The following ZNF286A variants were observed in gnomAD, a reference collection of about 807,000 sequenced individuals.
ZNF286A encodes the protein zinc finger protein ZNF286.
In ZNF286A, 34 loss-of-function variants were observed where a neutral mutation model predicts 49.3. The ratio of observed to expected loss-of-function variants is 0.69; its 90% CI spans 0.52 to 0.92. The LOEUF is 0.92. Among genes scored for constraint, ZNF286A ranks in the 40% least tolerant of loss-of-function variants. The probability of loss-of-function intolerance (pLI) is 0.00; values close to 1 mark genes in which losing one functional copy is unlikely to be tolerated. For synonymous variants in ZNF286A, 155 were observed against 200.4 expected (o/e 0.77, Z 1.91); for missense variants, 462 against 600.2 (o/e 0.77, Z 2.41).
At position 15,709,116 on chromosome 17, in the gene ZNF286A, T is replaced by C. The variant is rs557295992; in HGVS notation, c.334+869T>C. Reference sequence around the variant, plus strand: ...CTTGTCAACACTTAATATTGCTTGTTTTCATTTTAGCCATCCTTTTGAGGT... The same window carrying C: ...CTTGTCAACACTTAATATTGCTTGTCTTCATTTTAGCCATCCTTTTGAGGT... On this transcript the variant is annotated intron_variant, in intron 5 of 5. Coordinates refer to ENST00000583566, the MANE Select transcript of ZNF286A (RefSeq NM_001130842.2). 5.9e-5 allele frequency among the ~76,000 whole-genome samples: 9 copies of C among 152,118 alleles called. No homozygotes were observed. In the South Asian group the frequency reaches 1.9e-3, roughly 32 times the overall value.
intron 5 of ZNF286A, among the ~76,000 whole-genome samples, chr17:15,709,441 G>A (rs546707905): frequency 2.3e-4 from 35 of 151,994 alleles, no homozygotes; most frequent in African/African-American, 6.8e-4. Context: ...GCAGTGAGCC[G>A]AGATCATGCC....
At chr17:15,707,061 T>G (rs1378125535) in intron 4 of ZNF286A, among the ~76,000 whole-genome samples, 1 of 152,180 alleles carries the variant, frequency 6.6e-6, no homozygotes, top group Non-Finnish European at 1.5e-5. Context: ...CATGCACGCA[T>G]ACACACATGC....
chr17:15,704,461 C>T (rs1597709155), intron 3 of ZNF286A: 13 of 1,612,178 alleles, frequency 8.1e-6, no homozygotes, highest in African/African-American at 2.7e-5. Context: ...CAGACGGGCC[C>T]GAGCCGCATA....
At position 15,716,393 on chromosome 17, in the gene ZNF286A, C is replaced by G; in HGVS notation, c.669C>G (p.Ser223Arg). The G allele has an allele frequency of 6.2e-7, 1 of 1,613,412 alleles. No individual in the cohort carries two copies. Among genetic ancestry groups the G allele is most frequent in the South Asian group, 1.1e-5 (1 of 91,040 alleles). Residue 223 changes from serine to arginine, a missense_variant, in exon 6 of 6, where the codon AGC becomes AGG. Physicochemically the swap from Ser to Arg is moderately radical, Grantham distance 110. Around this residue, in one of 3 missense-constraint regions of ZNF286A, gnomAD observed 259 missense variants for 272.2 expected, o/e 0.95. Transcript: ENST00000583566. ...ATGCCTTCCATACACTTGAAAAAAG[C>G]TTGAAACAAAAATCAAACTTAATGA... ...GSYAFHTLEK[S>R]LKQKSNLMKK... is the part of the protein sequence containing the mutation.
At position 15,708,211 on chromosome 17, in the gene ZNF286A, A is replaced by C. The variant is rs531573081; in HGVS notation, c.298A>C (p.Lys100Gln). The C allele has an allele frequency of 2.5e-4, 391 of 1,594,384 alleles. 4 individuals carry two copies. In the South Asian group the frequency reaches 4.3e-3, roughly 17 times the overall value. ...YNLENGKEPL[K>Q]LERKAPKSSY... ...CTTGGAGAATGGAAAAGAACCATTG[A>C]AGCTTGAGAGAAAAGCCCCCAAAAG... Residue 100 changes from lysine (K) to glutamine (Q), a missense_variant, in exon 5 of 6, where the codon AAG (lysine) becomes CAG (glutamine). Coordinates refer to ENST00000583566, the MANE Select transcript of ZNF286A (RefSeq NM_001130842.2).
intron 5 of ZNF286A, among the ~76,000 whole-genome samples, chr17:15,708,938 A>G (rs1186534457): frequency 6.6e-6 from 1 of 152,178 alleles, no homozygotes; most frequent in Non-Finnish European, 1.5e-5. Context: ...AAATATATGC[A>G]TTTCTTCTGG....
rs201944001 is a variant in ZNF286A, at chr17:15,716,127, A to C, written c.403A>C (p.Lys135Gln). 1.9e-5 allele frequency: 31 copies of C among 1,613,782 alleles called. No individual in the cohort carries two copies. The highest frequency in any genetic ancestry group is 2.5e-5 in the Non-Finnish European group (30 of 1,179,834). ...AGATTTTTCCAAAGCAGAATCATGC[A>C]AAGTTGCAATAATAGACAGACTGAC... ...VQDFSKAESC[K>Q]VAIIDRLTRN... Residue 135 changes from lysine to glutamine, a missense_variant, in exon 6 of 6, where the codon AAA (lysine) becomes CAA (glutamine). By Grantham distance (53) the Lys-to-Gln change is moderately conservative. This residue lies in a region of ZNF286A where 259 missense variants were observed against 272.2 expected (regional missense o/e 0.95). Transcript: ENST00000583566.
rs371319093 is a variant in ZNF286A, at chr17:15,717,192, G to A, written c.1468G>A (p.Gly490Arg). The change falls in exon 6 of 6, where the codon GGA becomes AGA. Residue 490 changes from glycine (G) to arginine (R), a missense_variant. By Grantham distance (125) the Gly-to-Arg change is moderately radical. Transcript: ENST00000583566. Reference sequence around the variant, plus strand: ...CATTCAACATCAGAGAACTCATACCGGAGAGAAACCCTTTAGATGTAATGA... The same window carrying A: ...CATTCAACATCAGAGAACTCATACCAGAGAGAAACCCTTTAGATGTAATGA... ...ALIQHQRTHT[G>R]EKPFRCNECG... 31 of 1,607,196 alleles carry A rather than the reference G, an allele frequency of 1.9e-5. No individual in the cohort carries two copies. The highest frequency in any genetic ancestry group is 1.8e-4 in the East Asian group (8 of 44,640).
Position 15,711,860 on chromosome 17 carries a change from GC to G in ZNF286A, c.334+3623del, listed in dbSNP as rs1195215778. Among the ~76,000 whole-genome samples, 674 of 103,418 alleles carry G rather than the reference GC, an allele frequency of 6.5e-3. 14 individuals carry two copies. The highest frequency in any genetic ancestry group is 0.023 in the South Asian group (62 of 2,718). 67.8% of individuals were successfully genotyped at this position (103,418 alleles called of 152,430 possible). On this transcript the variant is annotated intron_variant, in intron 5 of 5. Transcript: ENST00000583566. ...CTAAATTTGCATTTATCTGTAATCT[GC>G]CCCCCCCCCGGCTTTTTTTTTTTTT...
chr17:15,709,329 C>A, intron 5 of ZNF286A, among the ~76,000 whole-genome samples: 1 of 147,294 alleles, frequency 6.8e-6, no homozygotes. Context: ...GTCTCTACTA[C>A]AAATACAAAA....
intron 5 of ZNF286A, among the ~76,000 whole-genome samples, chr17:15,714,134 A>G (rs1320254906): frequency 6.6e-6 from 1 of 151,992 alleles, no homozygotes; most frequent in Non-Finnish European, 1.5e-5. Context: ...TTAAAATTCA[A>G]TGAAATTAAT....
chr17:15,713,528 G>A (rs1341135967), intron 5 of ZNF286A, among the ~76,000 whole-genome samples: 1 of 151,976 alleles, frequency 6.6e-6, no homozygotes, highest in Non-Finnish European at 1.5e-5. Context: ...GGTAATTATG[G>A]CTATTCTTCT....
intron 3 of ZNF286A, among the ~76,000 whole-genome samples, chr17:15,705,207 C>T (rs759813451): frequency 1.1e-4 from 16 of 152,100 alleles, no homozygotes; most frequent in Non-Finnish European, 2.2e-4. Flanking sequence ...ATATGCTTCA[C>T]CCAGATTTTG....
At chr17:15,708,604 G>C (rs982988932) in intron 5 of ZNF286A, among the ~76,000 whole-genome samples, 1 of 152,106 alleles carries the variant, frequency 6.6e-6, no homozygotes, top group African/African-American at 2.4e-5. Flanking sequence ...AGAAGCACCG[G>C]TGTGCCCTGT....
intron 3 of ZNF286A, chr17:15,704,911 G>A (rs540301514): frequency 6.7e-5 from 106 of 1,583,464 alleles, no homozygotes; most frequent in Admixed American, 5.8e-4. Context: ...GGCTGCGGCC[G>A]GCCGGGGGCG....
At chr17:15,709,540 C>G (rs1296715475) in intron 5 of ZNF286A, among the ~76,000 whole-genome samples, 1 of 151,732 alleles carries the variant, frequency 6.6e-6, no homozygotes, top group Non-Finnish European at 1.5e-5. Flanking sequence ...TTCTCTTTCT[C>G]CCCTAGAAGT....
rs1355830992 is a variant in ZNF286A at position 15,720,138 on chromosome 17, T to C, written c.*2848T>C. Reference sequence around the variant, plus strand: ...TCCCTACTCTGAGTCTCAGTTTCTTTATCTGTATTAGGTTTCAACAAAGGG... The same window carrying C: ...TCCCTACTCTGAGTCTCAGTTTCTTCATCTGTATTAGGTTTCAACAAAGGG... On this transcript the variant is annotated 3_prime_UTR_variant, in exon 6 of 6. Coordinates refer to ENST00000583566, the MANE Select transcript of ZNF286A (RefSeq NM_001130842.2). 5 of 152,080 alleles carry C rather than the reference T, an allele frequency of 3.3e-5. No individual in the cohort carries two copies. Among genetic ancestry groups the C allele is most frequent in the Non-Finnish European group, 5.9e-5 (4 of 68,016 alleles). The allele number at this position is 152,080 out of a possible 1,614,324, so 9.4% of individuals were successfully genotyped here.
At chr17:15,703,182 G>A (rs1393796495) in intron 3 of ZNF286A, among the ~76,000 whole-genome samples, 9 of 152,150 alleles carry the variant, frequency 5.9e-5, no homozygotes, top group African/African-American at 1.2e-4. Flanking sequence ...CAGAGATGGC[G>A]TCAGTACTAC....
At chr17:15,705,072 C>A (rs899420453) in intron 3 of ZNF286A, among the ~76,000 whole-genome samples, 2 of 152,010 alleles carry the variant, frequency 1.3e-5, no homozygotes, top group African/African-American at 4.8e-5. Context: ...ACCAACCTGC[C>A]TCCCCGGTGC....
Sources: allele counts gnomAD v4.1 joint callset (sites outside exome capture counted in the v4.1 genomes callset), GRCh38; gene constraint gnomAD v4.1.1; regional missense constraint gnomAD v4.1.1; transcripts MANE v1.5; gene names NCBI Gene and HGNC (gene_info 2026-07-23, HGNC 2026-07-21).